PRRC2B: variants seen among roughly 807,000 people sequenced by gnomAD.
PRRC2B encodes protein PRRC2B.
PRRC2B carries 68 observed loss-of-function variants against 242.3 expected under a neutral mutation model. That is an observed-to-expected ratio of 0.28 (90% CI 0.23 to 0.34). PRRC2B has a LOEUF of 0.34. Ranked by LOEUF, PRRC2B falls within the 10% of genes least tolerant of loss-of-function variation. The pLI, the probability that PRRC2B is intolerant of heterozygous loss-of-function variation, is 1.00. For missense variants in PRRC2B, 2,835 were observed against 2,954.8 expected, an observed-to-expected ratio of 0.96 and a Z score of 0.94; for synonymous variants, 1,228 against 1,173.6, an observed-to-expected ratio of 1.05 and a Z score of -0.95.
At chr9:131,478,345 G>A in intron 17 of PRRC2B, 129 bp from the exon 18 acceptor site, 1 of 906,944 alleles carries the variant, frequency 1.1e-6, no homozygotes, top group Non-Finnish European at 1.7e-6. Context: ...GGCGGCCTGA[G>A]AAAAGTGCGG....
At position 131,420,696 on chromosome 9, in the gene PRRC2B, G is replaced by C. The variant is rs191381826; in HGVS notation, c.-51-9398G>C. Among the ~76,000 whole-genome samples, 1,507 of 151,214 alleles carry C rather than the reference G, an allele frequency of 1.0e-2. 23 individuals carry two copies. Among genetic ancestry groups the C allele is most frequent in the Non-Finnish European group, 0.013 (860 of 67,804 alleles). On this transcript the variant is annotated intron_variant, in intron 1 of 31. Coordinates refer to ENST00000683519, the MANE Select transcript of PRRC2B (RefSeq NM_013318.4). The stretch of plus-strand genomic sequence containing the variant: ...GTAGAGTCAGGGTGTCGCCATGTTG[G>C]CCAGGCTGGTTCCGAACTCCTGACC...
intron 13 of PRRC2B, among the ~76,000 whole-genome samples, chr9:131,470,388 C>G (rs1054181728): frequency 6.6e-6 from 1 of 152,090 alleles, no homozygotes; most frequent in Non-Finnish European, 1.5e-5. Context: ...CTGGAGGGAG[C>G]AGGGAAGGGA....
chr9:131,381,288 A>T (rs2483468), intron 1 of PRRC2B, among the ~76,000 whole-genome samples: 2 of 151,898 alleles, frequency 1.3e-5, no homozygotes. Flanking sequence ...GGACTTGGCC[A>T]TTCCTGTTCT....
At chr9:131,392,594 T>C (rs150587724), upstream of PRRC2B, among the ~76,000 whole-genome samples, 1,649 of 152,262 alleles carry the variant, frequency 0.011, 44 homozygotes, top group African/African-American at 0.038. Context: ...TAGCGAAATA[T>C]TGAAGACATT....
chr9:131,451,894 T>C (rs1942931876), intron 9 of PRRC2B, among the ~76,000 whole-genome samples: 1 of 152,198 alleles, frequency 6.6e-6, no homozygotes, highest in Non-Finnish European at 1.5e-5. Flanking sequence ...CAACCTTGCA[T>C]TCTTAGAATA....
intron 1 of PRRC2B, among the ~76,000 whole-genome samples, chr9:131,428,429 C>G (rs111570081): frequency 2.0e-5 from 3 of 152,032 alleles, no homozygotes; most frequent in African/African-American, 7.3e-5. Context: ...TGTAGTCTCC[C>G]TCTGTCACCC....
Position 131,475,329 on chromosome 9 carries a change from G to C in PRRC2B, c.3200G>C (p.Arg1067Pro). The C allele has an allele frequency of 6.3e-7, 1 of 1,593,380 alleles. No homozygotes were observed. The highest frequency in any genetic ancestry group is 8.5e-7 in the Non-Finnish European group (1 of 1,170,752). Reference protein sequence around the residue: ...AFGVRGQARGRGRGFREFTFR... With the variant: ...AFGVRGQARGPGRGFREFTFR... ...GGGGTCAGAGGACAGGCCCGGGGCC[G>C]GGGCCGTGGTTTCAGAGAGTTCACT... The change falls in exon 16 of 32, where the codon CGG becomes CCG. Residue 1067 changes from arginine (R) to proline (P), a missense_variant. By Grantham distance (103) the Arg-to-Pro change is moderately radical. Around this residue, in one of 7 missense-constraint regions of PRRC2B, gnomAD observed 1,536 missense variants for 1,483.1 expected, o/e 1.04. Coordinates refer to ENST00000683519, the MANE Select transcript of PRRC2B (RefSeq NM_013318.4).
chr9:131,485,192 G>A (rs1450655037), intron 25 of PRRC2B, 52 bp downstream of exon 25: 2 of 1,417,644 alleles, frequency 1.4e-6, no homozygotes, highest in Non-Finnish European at 1.9e-6. Flanking sequence ...TTATTATCAA[G>A]AAAAACGGAT....
chr9:131,487,364 G>T lies in PRRC2B; in HGVS notation c.5984+70G>T. 2.8e-6 allele frequency: 4 copies of T among 1,409,234 alleles called. No homozygotes were observed. The highest frequency in any genetic ancestry group is 5.0e-5 in the Admixed American group (2 of 39,726). The allele number at this position is 1,409,234 out of a possible 1,614,324, so 87.3% of individuals were successfully genotyped here. The stretch of plus-strand genomic sequence containing the variant: ...GGCCTTGGCCCTGTGTGCAGCCTTC[G>T]TCCTGCAGCTGTTTGGTGCTTGTCT... On this transcript the variant is annotated intron_variant, in intron 27 of 31. Transcript: ENST00000683519. The surrounding 1 kb of genome is among the most constrained non-coding windows in gnomAD (Gnocchi z 5.3).
At chr9:131,437,284 C>G (rs779343988) in intron 4 of PRRC2B, among the ~76,000 whole-genome samples, 1 of 152,220 alleles carries the variant, frequency 6.6e-6, no homozygotes, top group Non-Finnish European at 1.5e-5. Flanking sequence ...CCGAATGTCT[C>G]TAGGGACTAA....
intron 1 of PRRC2B, among the ~76,000 whole-genome samples, chr9:131,375,856 C>T (rs368800369): frequency 2.3e-4 from 35 of 152,026 alleles, no homozygotes; most frequent in African/African-American, 8.2e-4. Context: ...CAAGACCAGC[C>T]TGGCCATTGT....
At chr9:131,390,935 T>TACC (rs1836893490), upstream of PRRC2B, among the ~76,000 whole-genome samples, 1 of 151,690 alleles carries the variant, frequency 6.6e-6, no homozygotes, top group South Asian at 2.1e-4. Flanking sequence ...TACAGGCACA[T>TACC]ACCACCAGGC....
intron 1 of PRRC2B, among the ~76,000 whole-genome samples, chr9:131,411,353 G>GT (rs72214403): frequency 1.8e-4 from 24 of 135,120 alleles, no homozygotes; most frequent in African/African-American, 6.0e-4. Context: ...TTTTTGTTTT[G>GT]TTTTTTTTTT....
intron 14 of PRRC2B, among the ~76,000 whole-genome samples, chr9:131,471,581 G>T (rs1943548360): frequency 1.3e-5 from 2 of 152,218 alleles, no homozygotes; most frequent in Non-Finnish European, 1.5e-5. Context: ...TTTAGGCCTT[G>T]ATCAGCTAGT....
At chr9:131,464,219 G>A in intron 11 of PRRC2B, among the ~76,000 whole-genome samples, 1 of 152,380 alleles carries the variant, frequency 6.6e-6, no homozygotes, top group African/African-American at 2.4e-5. Context: ...TGGGATTACA[G>A]GCGTGAGCCA....
chr9:131,389,259 G>A (rs141433907), upstream of PRRC2B, among the ~76,000 whole-genome samples: 257 of 148,308 alleles, frequency 1.7e-3, 5 homozygotes, highest in African/African-American at 4.8e-3. Flanking sequence ...TGAATCAAGC[G>A]ATTCTCCTGC....
At chr9:131,447,871 G>A (rs1838854625) in intron 9 of PRRC2B, 67 bp downstream of exon 9, 1 of 1,495,292 alleles carries the variant, frequency 6.7e-7, no homozygotes, top group South Asian at 1.3e-5. Flanking sequence ...ACCAGGGATG[G>A]AAACCCCCTG....
chr9:131,446,582 T>G lies in PRRC2B; in HGVS notation c.795T>G (p.Ala265=), dbSNP rs758969915. 6.4e-5 allele frequency: 104 copies of G among 1,613,874 alleles called. No individual in the cohort carries two copies. Among genetic ancestry groups the G allele is most frequent in the Non-Finnish European group, 8.5e-5 (100 of 1,179,894 alleles). The part of the protein sequence containing the change: ...LRPAQPVRKG[A]SQFMGNVYHP... ...CGGCTCAGCCTGTCCGAAAAGGGGC[T>G]TCACAGTTCATGGGAAATGTATACC... The change falls in exon 7 of 32, where the codon GCT becomes GCG. Residue 265 remains alanine (A), a synonymous_variant. Transcript: ENST00000683519. The surrounding 1 kb of genome is among the most constrained non-coding windows in gnomAD (Gnocchi z 4.1).
chr9:131,440,880 G>T (rs1838546103), intron 5 of PRRC2B, among the ~76,000 whole-genome samples: 1 of 152,158 alleles, frequency 6.6e-6, no homozygotes, highest in Non-Finnish European at 1.5e-5. Flanking sequence ...CAGAAGGATT[G>T]CTTGAGTCCG....
Sources: gnomAD v4.1 joint callset for allele counts (sites outside exome capture counted in the v4.1 genomes callset) on GRCh38, gnomAD v4.1.1 for gene constraint, gnomAD v4.1.1 regional missense constraint, Gnocchi (gnomAD v3.1) non-coding constraint, MANE v1.5 for transcripts, NCBI Gene and HGNC (gene_info 2026-07-23, HGNC 2026-07-21) for gene names.